Variants in PIK3R3 observed in about 807,000 individuals in gnomAD.
The protein encoded by PIK3R3 is phosphoinositide-3-kinase regulatory subunit 3, also known as phosphatidylinositol 3-kinase regulatory subunit gamma.
A neutral mutation model predicts 62.9 loss-of-function variants in PIK3R3; 64 were observed. The ratio of observed to expected loss-of-function variants is 1.02; its 90% confidence interval spans 0.83 to 1.25. PIK3R3 has a LOEUF of 1.25. PIK3R3 is among the 50% of genes most tolerant of loss of function. The pLI is 0.00. For synonymous variants in PIK3R3, 165 were observed against 189.0 expected (o/e 0.87, Z 1.04); for missense variants, 614 against 561.6 (o/e 1.09, Z -0.94).
At chr1:46,157,357 T>A in the PIK3R3 span, among the ~76,000 whole-genome samples, 1 of 152,156 alleles carries the variant, frequency 6.6e-6, no homozygotes, top group African/African-American at 2.4e-5. Flanking sequence ...GGTCTCGAAC[T>A]CATAAGCTCA....
intron 5 of PIK3R3, among the ~76,000 whole-genome samples, chr1:46,064,184 G>C (rs964493729): frequency 6.6e-6 from 1 of 151,954 alleles, no homozygotes; most frequent in Non-Finnish European, 1.5e-5. Context: ...CTACACTCCA[G>C]CCTGGGCAAT....
At chr1:46,100,116 G>A (rs1313197929) in intron 1 of PIK3R3, among the ~76,000 whole-genome samples, 1 of 152,032 alleles carries the variant, frequency 6.6e-6, no homozygotes, top group African/African-American at 2.4e-5. Flanking sequence ...ATCTCATGCT[G>A]AATTTCAATA....
At chr1:46,072,731 C>G (rs1346320033) in intron 3 of PIK3R3, among the ~76,000 whole-genome samples, 2 of 152,054 alleles carry the variant, frequency 1.3e-5, no homozygotes, top group Non-Finnish European at 2.9e-5. Flanking sequence ...GGGAGGATCA[C>G]TTGAGACCCT....
At chr1:46,054,431 A>T (rs1264901043) in intron 7 of PIK3R3, among the ~76,000 whole-genome samples, 1 of 148,520 alleles carries the variant, frequency 6.7e-6, no homozygotes, top group Admixed American at 6.7e-5. Context: ...ATCACCTTAA[A>T]TCTTCCTCTA....
upstream of PIK3R3, among the ~76,000 whole-genome samples, chr1:46,135,205 G>A (rs1458499119): frequency 3.3e-5 from 5 of 152,134 alleles, no homozygotes; most frequent in Non-Finnish European, 1.5e-5. Flanking sequence ...ATGTTAGCTC[G>A]GGTGTCCTGG....
chr1:46,170,241 G>A, the PIK3R3 span, among the ~76,000 whole-genome samples: 1 of 152,198 alleles, frequency 6.6e-6, no homozygotes, highest in Non-Finnish European at 1.5e-5. Context: ...TGGGGAAGCT[G>A]GAGATGCTGG....
intron 3 of PIK3R3, among the ~76,000 whole-genome samples, chr1:46,076,051 T>C (rs1650041245): frequency 6.6e-6 from 1 of 152,206 alleles, no homozygotes; most frequent in Non-Finnish European, 1.5e-5. Flanking sequence ...GCCAATTGGA[T>C]GGTGCTCACA....
At chr1:46,064,320 C>T (rs1190411831) in intron 5 of PIK3R3, among the ~76,000 whole-genome samples, 2 of 152,114 alleles carry the variant, frequency 1.3e-5, no homozygotes, top group Non-Finnish European at 2.9e-5. Flanking sequence ...ATGGGCGGAT[C>T]ACCTGAGGTC....
At chr1:46,145,907 G>A in the PIK3R3 span, among the ~76,000 whole-genome samples, 77 of 152,258 alleles carry the variant, frequency 5.1e-4, no homozygotes, top group African/African-American at 1.8e-3. Context: ...CCAGGACTCA[G>A]GATACTAAGC....
the PIK3R3 span, among the ~76,000 whole-genome samples, chr1:46,160,384 G>A: frequency 1.3e-5 from 2 of 152,190 alleles, no homozygotes; most frequent in Admixed American, 6.5e-5. Flanking sequence ...AACAAATTAG[G>A]CACATTTGCC....
intron 1 of PIK3R3, among the ~76,000 whole-genome samples, chr1:46,118,079 C>T (rs902460716): frequency 6.6e-6 from 1 of 151,982 alleles, no homozygotes; most frequent in African/African-American, 2.4e-5. Flanking sequence ...CAGTCACGCA[C>T]ACACAAAAAA....
chr1:46,041,385 G>A lies in PIK3R3; in HGVS notation c.*2288C>T. 1 of 171,224 alleles carries A rather than the reference G, an allele frequency of 5.8e-6. No individual in the cohort carries two copies. The highest frequency in any genetic ancestry group is 1.1e-4 in the East Asian group (1 of 9,244). 10.6% of individuals were successfully genotyped at this position (171,224 alleles called of 1,614,324 possible). ...ATTCAAGAATGAAAAAAAAAATGAA[G>A]GAATGTAGGACTGAAAAAAAGCAGC... On this transcript the variant is annotated 3_prime_UTR_variant, in exon 10 of 10. Coordinates refer to ENST00000262741, the MANE Select transcript of PIK3R3 (RefSeq NM_003629.4).
chr1:46,063,705 C>T (rs1363445105), intron 5 of PIK3R3, among the ~76,000 whole-genome samples: 1 of 152,198 alleles, frequency 6.6e-6, no homozygotes, highest in Non-Finnish European at 1.5e-5. Context: ...TCTCTTCCTT[C>T]CCCTCCCTTT....
chr1:46,139,660 C>A, the PIK3R3 span, among the ~76,000 whole-genome samples: 1 of 152,298 alleles, frequency 6.6e-6, no homozygotes, highest in East Asian at 1.9e-4. Flanking sequence ...AAGATCAGGA[C>A]AAGAGAATTC....
At chr1:46,120,466 A>G (rs906551712) in intron 1 of PIK3R3, among the ~76,000 whole-genome samples, 3 of 152,090 alleles carry the variant, frequency 2.0e-5, no homozygotes, top group African/African-American at 4.8e-5. Context: ...CCAGCTACTC[A>G]GGAGGCTGAG....
chr1:46,112,450 C>T (rs1318698489), intron 1 of PIK3R3, among the ~76,000 whole-genome samples: 1 of 152,126 alleles, frequency 6.6e-6, no homozygotes, highest in South Asian at 2.1e-4. Context: ...TTTATTTCTA[C>T]AGAACAGATT....
intron 1 of PIK3R3, among the ~76,000 whole-genome samples, chr1:46,083,529 T>C (rs1650794709): frequency 6.6e-6 from 1 of 152,178 alleles, no homozygotes; most frequent in Non-Finnish European, 1.5e-5. Flanking sequence ...TGTAAATGTA[T>C]CTATAAATAT....
intron 1 of PIK3R3, among the ~76,000 whole-genome samples, chr1:46,109,682 C>T (rs746883931): frequency 2.5e-4 from 38 of 152,076 alleles, no homozygotes; most frequent in African/African-American, 7.2e-5. Flanking sequence ...GATGTGTTCA[C>T]CATATTGGCC....
At position 46,077,603 on chromosome 1, in the gene PIK3R3, T is replaced by G; in HGVS notation, c.226A>C (p.Asn76His). 3.1e-6 allele frequency: 5 copies of G among 1,602,312 alleles called. No homozygotes were observed. The highest frequency in any genetic ancestry group is 4.3e-6 in the Non-Finnish European group (5 of 1,169,478). The change falls in exon 3 of 10, where the codon AAT (asparagine) becomes CAT (histidine). Residue 76 changes from asparagine (N) to histidine (H), a missense_variant. Transcript: ENST00000262741. ...YWGDISREEV[N>H]DKLRDMPDGT... is the part of the protein sequence containing the mutation. ...TCTGGCATATCCCGCAATTTGTCAT[T>G]TACCTCCTCCCTGAAGAACAGAATT...
Sources: gnomAD v4.1 joint callset for allele counts (sites outside exome capture counted in the v4.1 genomes callset) on GRCh38, gnomAD v4.1.1 for gene constraint, MANE v1.5 for transcripts, NCBI Gene and HGNC (gene_info 2026-07-23, HGNC 2026-07-21) for gene names.